Variants in DOCK9 observed in about 807,000 individuals in gnomAD.
DOCK9 encodes dedicator of cytokinesis protein 9.
DOCK9 carries 89 observed loss-of-function variants against 263.3 expected under a neutral mutation model. The ratio of observed to expected loss-of-function variants is 0.34; its 90% confidence interval spans 0.28 to 0.40. DOCK9 has a LOEUF of 0.40. Ranked by LOEUF, DOCK9 falls within the 10% of genes least tolerant of loss-of-function variation. The pLI, the probability that DOCK9 is intolerant of heterozygous loss-of-function variation, is 1.00. For synonymous variants in DOCK9, 976 were observed against 973.1 expected (o/e 1.00, Z -0.06); for missense variants, 2,140 against 2,603.4 (o/e 0.82, Z 3.87).
rs1233268084 is a variant in DOCK9, at chr13:99,008,234, A to ATATTTTT, written c.130-52684_130-52683insAAAAATA. Among the ~76,000 whole-genome samples the ATATTTTT allele has an allele frequency of 6.3e-3, 587 of 93,848 alleles. 2 individuals are homozygous for ATATTTTT. The highest frequency in any genetic ancestry group is 9.5e-3 in the Non-Finnish European group (472 of 49,910). 61.6% of individuals were successfully genotyped at this position (93,848 alleles called of 152,430 possible). A position where few individuals can be genotyped will look rare whatever the true frequency, so the allele number is the denominator to read the frequency against. Reference sequence around the variant, plus strand: ...TCTCTATATATATATATATATATATATTTTTTTTTTTTTTTGAGACGAAGT... The same window carrying ATATTTTT: ...TCTCTATATATATATATATATATATATATTTTTTTTTTTTTTTTTTTTGAGACGAAGT... On this transcript the variant is annotated intron_variant, in intron 1 of 32. Transcript: ENST00000427887.
At chr13:99,079,312 T>C (rs1596057390) in intron 1 of DOCK9, among the ~76,000 whole-genome samples, 1 of 148,288 alleles carries the variant, frequency 6.7e-6, no homozygotes, top group Non-Finnish European at 1.5e-5. Context: ...ACAGGCAGAG[T>C]GGCTAGGAGC....
chr13:98,886,476 T>C lies in DOCK9; in HGVS notation c.2136+56A>G, dbSNP rs938484394. 2.7e-6 allele frequency: 4 copies of C among 1,507,424 alleles called. No homozygotes were observed. In the African/African-American group the frequency reaches 5.5e-5, roughly 21 times the overall value. 93.4% of individuals were successfully genotyped at this position (1,507,424 alleles called of 1,614,324 possible). On this transcript the variant is annotated intron_variant, in intron 19 of 52. Coordinates refer to ENST00000682017, the MANE Select transcript of DOCK9 (RefSeq NM_001366683.2). ...AATTTTCCTTTACCAGGCAAATACA[T>C]TAAAGTTTCCCTTAAAACTGGTCAA... is the stretch of plus-strand genomic sequence containing the variant.
At position 98,831,356 on chromosome 13, in the gene DOCK9, G is replaced by A; in HGVS notation, c.4627C>T (p.His1543Tyr). ...AGCTAAACCACACGCACTTGCAAATGTGTCCGGACAAAGGACTTCTTTCCA... is the reference window on the plus strand; with the variant it reads ...AGCTAAACCACACGCACTTGCAAATATGTCCGGACAAAGGACTTCTTTCCA... ...YTGKKSFVRT[H>Y]LQVIISVSQL... is the part of the protein sequence containing the mutation. The change falls in exon 41 of 53, where the codon CAT becomes TAT. Residue 1543 changes from histidine (H) to tyrosine (Y), a missense_variant. Around this residue, in one of 2 missense-constraint regions of DOCK9, gnomAD observed 619 missense variants for 861.8 expected, o/e 0.72. Transcript: ENST00000682017. 2 of 1,603,050 alleles carry A rather than the reference G, an allele frequency of 1.2e-6. No individual in the cohort carries two copies. The highest frequency in any genetic ancestry group is 2.3e-5 in the South Asian group (2 of 88,562).
At chr13:99,020,528 C>A (rs940924437) in intron 1 of DOCK9, among the ~76,000 whole-genome samples, 1 of 152,220 alleles carries the variant, frequency 6.6e-6, no homozygotes, top group East Asian at 1.9e-4. Context: ...CCATAGCTAA[C>A]AGGTCCCAAG....
chr13:98,868,160 C>T, intron 28 of DOCK9, 71 bp downstream of exon 28: 2 of 1,586,092 alleles, frequency 1.3e-6, no homozygotes, highest in Non-Finnish European at 1.7e-6. Context: ...ATTCTAGTCA[C>T]CCTGCTAGAC....
intron 15 of DOCK9, among the ~76,000 whole-genome samples, chr13:98,891,196 T>C (rs963988812): frequency 6.6e-6 from 1 of 152,118 alleles, no homozygotes; most frequent in East Asian, 1.9e-4. Flanking sequence ...ACTCCTACGA[T>C]GATAGCTTGT....
chr13:99,036,433 G>C (rs551806153), intron 1 of DOCK9, among the ~76,000 whole-genome samples: 1 of 152,288 alleles, frequency 6.6e-6, no homozygotes, highest in African/African-American at 2.4e-5. Context: ...ACATGGAAGA[G>C]GGTCCTCATC....
intron 9 of DOCK9, among the ~76,000 whole-genome samples, chr13:98,908,544 T>C (rs1228876552): frequency 3.3e-5 from 5 of 152,200 alleles, no homozygotes; most frequent in African/African-American, 9.6e-5. Context: ...CTTGCTGATA[T>C]GTATGTAAGG....
At chr13:99,002,929 CA>C (rs1227740264) in intron 1 of DOCK9, among the ~76,000 whole-genome samples, 3 of 150,820 alleles carry the variant, frequency 2.0e-5, no homozygotes, top group South Asian at 2.1e-4. Context: ...GTTTCTACAT[CA>C]GGGGGTTGTC....
rs2045583508 is a variant in DOCK9, at chr13:98,885,630, A to G, written c.2260+78T>C. Reference sequence around the variant, plus strand: ...TAAAGATCCCTTTGCAAAAAGATGGAAATTCAGAATCTTAATACAATTTAA... The same window carrying G: ...TAAAGATCCCTTTGCAAAAAGATGGGAATTCAGAATCTTAATACAATTTAA... On this transcript the variant is annotated intron_variant, in intron 20 of 52. Coordinates refer to ENST00000682017, the MANE Select transcript of DOCK9 (RefSeq NM_001366683.2). 4 of 1,453,466 alleles carry G rather than the reference A, an allele frequency of 2.8e-6. No homozygotes were observed. In the Admixed American group the frequency reaches 1.0e-4, roughly 36 times the overall value. The allele number at this position is 1,453,466 out of a possible 1,614,324, so 90.0% of individuals were successfully genotyped here. A position where few individuals can be genotyped will look rare whatever the true frequency, so the allele number is the denominator to read the frequency against.
chr13:98,999,250 T>C (rs764555196), intron 1 of DOCK9, among the ~76,000 whole-genome samples: 21 of 149,118 alleles, frequency 1.4e-4, no homozygotes, highest in Non-Finnish European at 2.4e-4. Context: ...ACACAGGTCA[T>C]AGGAGCAGCT....
At chr13:98,854,402 A>T (rs1373074465) in intron 34 of DOCK9, 1 of 151,656 alleles carries the variant, frequency 6.6e-6, no homozygotes, top group Non-Finnish European at 1.5e-5. Context: ...AAAAAAAATT[A>T]TGCGTGTGTG....
Position 99,082,283 on chromosome 13 carries a change from C to T in DOCK9, c.129+3940G>A, listed in dbSNP as rs189199099. ...CTGTAATCCTAGCACTTTGGGAGGC[C>T]GAGGTGGGCGGATCACCTGAGGTGA... On this transcript the variant is annotated intron_variant, in intron 1 of 32. Transcript: ENST00000427887. Among the ~76,000 whole-genome samples, 493 of 151,634 alleles carry T rather than the reference C, an allele frequency of 3.3e-3. 7 individuals carry two copies. The highest frequency in any genetic ancestry group is 0.012 in the African/African-American group (479 of 41,324).
At chr13:98,934,097 G>A (rs2054424588) in intron 2 of DOCK9, among the ~76,000 whole-genome samples, 1 of 151,516 alleles carries the variant, frequency 6.6e-6, no homozygotes. Flanking sequence ...GGGGCGGGGG[G>A]TCTCACCATT....
At chr13:98,906,227 T>A (rs371531586) in intron 9 of DOCK9, among the ~76,000 whole-genome samples, 8 of 151,876 alleles carry the variant, frequency 5.3e-5, no homozygotes, top group African/African-American at 1.9e-4. Context: ...TGGGAGTGGA[T>A]GAGATGTCCT....
intron 1 of DOCK9, among the ~76,000 whole-genome samples, chr13:99,045,668 T>G (rs760877806): frequency 1.3e-5 from 2 of 152,162 alleles, no homozygotes; most frequent in African/African-American, 2.4e-5. Flanking sequence ...CTTAGCTTGA[T>G]TGAACCATTC....
intron 1 of DOCK9, among the ~76,000 whole-genome samples, chr13:98,969,573 T>C (rs187157191): frequency 6.6e-6 from 1 of 152,246 alleles, no homozygotes; most frequent in Non-Finnish European, 1.5e-5. Context: ...GACTGGAGTA[T>C]AAACCTTCAC....
intron 3 of DOCK9, among the ~76,000 whole-genome samples, chr13:98,928,853 G>GTAACTAACATGAACAACGTCTC (rs2053464728): frequency 6.6e-6 from 1 of 152,148 alleles, no homozygotes; most frequent in Admixed American, 6.5e-5. Context: ...ATATCTGGCT[G>GTAACTAACATGAACAACGTCTC]TATTTGTCTG....
intron 1 of DOCK9, among the ~76,000 whole-genome samples, chr13:98,996,851 T>G (rs1881162242): frequency 6.6e-6 from 1 of 152,258 alleles, no homozygotes; most frequent in Admixed American, 6.5e-5. Flanking sequence ...TATAATAACT[T>G]GGAAGTAAGT....
Sources: allele counts gnomAD v4.1 joint callset (sites outside exome capture counted in the v4.1 genomes callset), GRCh38; gene constraint gnomAD v4.1.1; regional missense constraint gnomAD v4.1.1; transcripts MANE v1.5; gene names NCBI Gene and HGNC (gene_info 2026-07-23, HGNC 2026-07-21).